ALMS1: variants seen among roughly 807,000 people sequenced by gnomAD.
ALMS1 encodes ALMS1 centrosome and basal body associated protein.
ALMS1 carries 271 observed loss-of-function variants against 352.2 expected under a neutral mutation model. The ratio of observed to expected loss-of-function variants is 0.77; its 90% confidence interval spans 0.70 to 0.85. The LOEUF is 0.85. Ranked by LOEUF, ALMS1 falls within the 40% of genes least tolerant of loss-of-function variation. The probability of loss-of-function intolerance (pLI) is 0.00; values close to 1 mark genes in which losing one functional copy is unlikely to be tolerated. For synonymous variants in ALMS1, 1,865 were observed against 1,761.2 expected, an observed-to-expected ratio of 1.06 and a Z score of -1.48; for missense variants, 5,445 against 4,870.7, an observed-to-expected ratio of 1.12 and a Z score of -3.51.
At chr2:73,590,166 T>TGAA (rs1412210368) in intron 16 of ALMS1, among the ~76,000 whole-genome samples, 5 of 152,174 alleles carry the variant, frequency 3.3e-5, no homozygotes, top group African/African-American at 1.2e-4. Context: ...ATACATTCGT[T>TGAA]TGTTCATTCA....
At chr2:73,414,489 G>GTTTTTTTTTGTT (rs1558635549) in intron 2 of ALMS1, among the ~76,000 whole-genome samples, 1 of 94,250 alleles carries the variant, frequency 1.1e-5, no homozygotes, top group African/African-American at 4.5e-5. Flanking sequence ...TTTTTTTTTT[G>GTTTTTTTTTGTT]TTTTTTTTTT....
At chr2:73,528,841 C>G (rs1042596715) in intron 11 of ALMS1, among the ~76,000 whole-genome samples, 6 of 151,888 alleles carry the variant, frequency 4.0e-5, no homozygotes, top group Non-Finnish European at 7.4e-5. Context: ...TTCAAATAGC[C>G]TGTCTTCAAA....
intron 10 of ALMS1, among the ~76,000 whole-genome samples, chr2:73,512,276 G>T (rs969422943): frequency 5.9e-5 from 9 of 152,000 alleles, no homozygotes; most frequent in Admixed American, 1.3e-4. Flanking sequence ...GTAGAGATGG[G>T]GTTTCACCAT....
chr2:73,452,717 G>A lies in ALMS1; in HGVS notation c.6190G>A (p.Asp2064Asn), dbSNP rs183773481. 5.0e-6 allele frequency: 8 copies of A among 1,613,698 alleles called. No homozygotes were observed. In the Admixed American group the frequency reaches 1.0e-4, roughly 20 times the overall value. Residue 2064 changes from aspartate (D) to asparagine (N), a missense_variant, in exon 8 of 23, where the codon GAT (aspartate) becomes AAT (asparagine). Asp to Asn is a conservative substitution (Grantham distance 23, BLOSUM62 1). Transcript: ENST00000613296. ...TATTTTATTTCAACAGCAGTTGCCA[G>A]ATAGAGATCAAAGTAAAGGTATTCT... is the stretch of plus-strand genomic sequence containing the variant. ...PNILFQQQLP[D>N]RDQSKGILKI... is the part of the protein sequence containing the mutation.
intron 10 of ALMS1, among the ~76,000 whole-genome samples, chr2:73,505,042 A>G (rs906173102): frequency 6.6e-6 from 1 of 152,156 alleles, no homozygotes; most frequent in African/African-American, 2.4e-5. Context: ...GTCCCTCCAA[A>G]GGACATGAAC....
chr2:73,560,750 A>G (rs554228312), intron 15 of ALMS1, among the ~76,000 whole-genome samples: 3 of 152,358 alleles, frequency 2.0e-5, no homozygotes, highest in Admixed American at 2.0e-4. Context: ...GAAAGAAGGA[A>G]ATCCTATCAC....
rs1476843439 is a variant in ALMS1, at chr2:73,489,714, ATG to A, written c.7757_7758del (p.Cys2586PhefsTer7). ...TTATTATTGAGAGCCATGAAAAGGG[ATG>A]TTTCCGGACTCTAACTTCTGAACAT... ...HIIIESHEKGCFRTLTSEHPQ... is the reference protein window; with the variant it reads ...HIIIESHEKGXFRTLTSEHPQ... On this transcript the variant is annotated frameshift_variant, in exon 10 of 23. Transcript: ENST00000613296. LOFTEE classifies it high-confidence loss of function. 1 of 1,614,012 alleles carries A rather than the reference ATG, an allele frequency of 6.2e-7. No homozygotes were observed. Among genetic ancestry groups the A allele is most frequent in the Non-Finnish European group, 8.5e-7 (1 of 1,180,038 alleles).
chr2:73,445,647 AGG>A lies in ALMS1; in HGVS notation c.1433-2312_1433-2311del, dbSNP rs1422799167. Among the ~76,000 whole-genome samples the A allele has an allele frequency of 2.3e-3, 6 of 2,586 alleles. No individual in the cohort carries two copies. The Admixed American group carries it at 0.026, about 11-fold the overall frequency. 1.7% of individuals were successfully genotyped at this position (2,586 alleles called of 152,430 possible). On this transcript the variant is annotated intron_variant, in intron 7 of 22. Coordinates refer to ENST00000613296, the MANE Select transcript of ALMS1 (RefSeq NM_001378454.1). ...TAAAACCGTGCTGTCTTCGTCACCT[AGG>A]AAGCCTTCTGTGTTACTAAGCACCT...
intron 10 of ALMS1, among the ~76,000 whole-genome samples, chr2:73,504,597 T>C (rs1673283014): frequency 6.6e-6 from 1 of 152,246 alleles, no homozygotes; most frequent in Non-Finnish European, 1.5e-5. Flanking sequence ...ATTCAACTTG[T>C]GTGTATCAGT....
At chr2:73,469,088 T>A (rs1047746285) in intron 9 of ALMS1, among the ~76,000 whole-genome samples, 1 of 151,952 alleles carries the variant, frequency 6.6e-6, no homozygotes, top group African/African-American at 2.4e-5. Context: ...CAGAATACTG[T>A]CTCTTCTCCT....
At chr2:73,385,828 C>CCCT (rs746980000), upstream of ALMS1, 65 of 665,138 alleles carry the variant, frequency 9.8e-5, no homozygotes, top group African/African-American at 2.9e-4. Context: ...CTCCCTCCCC[C>CCCT]CCTCCTCCTC....
intron 12 of ALMS1, among the ~76,000 whole-genome samples, chr2:73,545,183 T>G (rs545159761): frequency 0.012 from 1,763 of 146,696 alleles, 21 homozygotes; most frequent in African/African-American, 0.038. Flanking sequence ...TTTTTGTGGT[T>G]TTTTTTTTTT....
rs893243465 is a variant in ALMS1 at position 73,572,518 on chromosome 2, C to T, written c.10641C>T (p.Ser3547=). 4 of 1,613,678 alleles carry T rather than the reference C, an allele frequency of 2.5e-6. No individual in the cohort carries two copies. Among genetic ancestry groups the T allele is most frequent in the Non-Finnish European group, 3.4e-6 (4 of 1,179,948 alleles). The change falls in exon 16 of 23, where the codon AGC becomes AGT. Residue 3547 remains serine (S), a synonymous_variant. Coordinates refer to ENST00000613296, the MANE Select transcript of ALMS1 (RefSeq NM_001378454.1). ...AGACAGATTATACCAGAATAAAGAG[C>T]CTCAGCATCAATGTGAATTTGGGAA... ...KTKTDYTRIK[S]LSINVNLGNK...
At chr2:73,390,112 A>T (rs545937253) in intron 1 of ALMS1, among the ~76,000 whole-genome samples, 1 of 152,310 alleles carries the variant, frequency 6.6e-6, no homozygotes. Flanking sequence ...ACCTGAGAGA[A>T]TATATGATAA....
At position 73,407,808 on chromosome 2, in the gene ALMS1, TTGGCCTCCCAAAG is replaced by T. The variant is rs1403404119; in HGVS notation, c.325-811_325-799del. ...CCTGACCTCAGGTAATCCTCCTGCCTTGGCCTCCCAAAGTGCTGGGATTACAGGTGTGAGCCAC... is the reference window on the plus strand; with the variant it reads ...CCTGACCTCAGGTAATCCTCCTGCCTTGCTGGGATTACAGGTGTGAGCCAC... On this transcript the variant is annotated intron_variant, in intron 1 of 22. Transcript: ENST00000613296. Among the ~76,000 whole-genome samples, 3 of 152,316 alleles carry T rather than the reference TTGGCCTCCCAAAG, an allele frequency of 2.0e-5. No individual in the cohort carries two copies. In the East Asian group the frequency reaches 5.8e-4, roughly 29 times the overall value.
At chr2:73,587,567 G>C (rs1002808186) in intron 16 of ALMS1, among the ~76,000 whole-genome samples, 4 of 152,094 alleles carry the variant, frequency 2.6e-5, no homozygotes, top group Admixed American at 2.0e-4. Context: ...CTGTTTATGT[G>C]GTGTATCACA....
At chr2:73,432,358 GTCTA>G (rs1416569857) in intron 7 of ALMS1, 67 bp downstream of exon 7, 5 of 1,144,946 alleles carry the variant, frequency 4.4e-6, no homozygotes, top group Non-Finnish European at 6.5e-6. Flanking sequence ...ATCTTGTTAG[GTCTA>G]TCTAATTTTG....
At chr2:73,445,889 T>A (rs1357340523) in intron 7 of ALMS1, among the ~76,000 whole-genome samples, 2 of 152,172 alleles carry the variant, frequency 1.3e-5, no homozygotes, top group Non-Finnish European at 2.9e-5. Flanking sequence ...GTAGTAATAT[T>A]GTTAACACTC....
chr2:73,539,254 G>A (rs1015775148), intron 12 of ALMS1, among the ~76,000 whole-genome samples: 3 of 152,194 alleles, frequency 2.0e-5, no homozygotes, highest in Admixed American at 6.5e-5. Flanking sequence ...AGCCTCTGCT[G>A]CTGATACCCA....
Sources: gnomAD v4.1 joint callset for allele counts (sites outside exome capture counted in the v4.1 genomes callset) on GRCh38, gnomAD v4.1.1 for gene constraint, MANE v1.5 for transcripts, NCBI Gene and HGNC (gene_info 2026-07-23, HGNC 2026-07-21) for gene names.